The following RTTN variants were observed in gnomAD, a reference collection of about 807,000 sequenced individuals.
RTTN encodes the protein rotatin.
A neutral mutation model predicts 269.2 loss-of-function variants in RTTN; 182 were observed. The ratio of observed to expected loss-of-function variants is 0.68; its 90% CI spans 0.60 to 0.76. The LOEUF (loss-of-function observed/expected upper bound fraction) is 0.76, where lower values mean the gene tolerates loss of function less well. Ranked by LOEUF, RTTN falls within the 30% of genes least tolerant of loss-of-function variation. RTTN has a pLI of 0.00. For synonymous variants in RTTN, 1,006 were observed against 963.5 expected (o/e 1.04, Z -0.82); for missense variants, 2,545 against 2,608.6 (o/e 0.98, Z 0.53).
At chr18:70,065,753 T>C in intron 35 of RTTN, 76 bp downstream of exon 35, 2 of 946,266 alleles carry the variant, frequency 2.1e-6, no homozygotes, top group Non-Finnish European at 1.6e-6. Context: ...CTTTAGACAT[T>C]TACTTTCAAA....
chr18:70,056,744 C>T (rs2057827683), intron 37 of RTTN, among the ~76,000 whole-genome samples: 1 of 152,198 alleles, frequency 6.6e-6, no homozygotes. Context: ...ACTTTGGGTC[C>T]CACGACACTG....
At chr18:70,122,097 A>G (rs886825473) in intron 25 of RTTN, among the ~76,000 whole-genome samples, 1 of 152,094 alleles carries the variant, frequency 6.6e-6, no homozygotes, top group African/African-American at 2.4e-5. Flanking sequence ...ATTCTGACCA[A>G]CTCGAAAAAA....
chr18:70,042,330 G>T (rs1263876988), intron 40 of RTTN, among the ~76,000 whole-genome samples: 1 of 144,506 alleles, frequency 6.9e-6, no homozygotes, highest in Non-Finnish European at 1.5e-5. Flanking sequence ...CTTCCAGGAA[G>T]AGAAAAACCA....
intron 24 of RTTN, 187 bp from the exon 25 acceptor site, chr18:70,127,928 A>C: frequency 1.7e-6 from 1 of 586,006 alleles, no homozygotes; most frequent in Non-Finnish European, 3.0e-6. Context: ...TTGGCATCCC[A>C]AATGTTTATA....
In RTTN at chr18:70,004,291, ACT is replaced by A. The variant is rs1435867700; in HGVS notation, c.6596-57_6596-56del. 3.3e-6 allele frequency: 4 copies of A among 1,219,188 alleles called. No individual in the cohort carries two copies. The African/African-American group carries it at 4.5e-5, about 14-fold the overall frequency. 75.5% of individuals were successfully genotyped at this position (1,219,188 alleles called of 1,614,324 possible). On this transcript the variant is annotated intron_variant, in intron 48 of 48. Transcript: ENST00000640769. ...ACTAGTTTATGAAACTTGGTACTAT[ACT>A]TAGGAGGCACACACATAAACAAATA...
intron 32 of RTTN, among the ~76,000 whole-genome samples, chr18:70,085,596 A>G (rs1479708875): frequency 6.6e-6 from 1 of 152,208 alleles, no homozygotes. Context: ...ATATATGGAT[A>G]GGTAAAAGGA....
At chr18:70,054,060 T>C (rs534711102) in intron 38 of RTTN, 71 bp downstream of exon 38, 689 of 1,288,038 alleles carry the variant, frequency 5.3e-4, no homozygotes, top group Middle Eastern at 1.2e-3. Flanking sequence ...CAAGTGAATA[T>C]CTGAAACAGA....
chr18:70,140,712 GCTT>G (rs968677027), intron 19 of RTTN, among the ~76,000 whole-genome samples: 8 of 152,122 alleles, frequency 5.3e-5, no homozygotes, highest in Admixed American at 3.9e-4. Context: ...GAGAACTTGA[GCTT>G]CTTTTTAATA....
intron 14 of RTTN, among the ~76,000 whole-genome samples, chr18:70,157,392 C>T (rs1274870868): frequency 6.6e-6 from 1 of 152,176 alleles, no homozygotes; most frequent in East Asian, 1.9e-4. Context: ...GAAACCAAGC[C>T]AATTGACTAA....
intron 11 of RTTN, among the ~76,000 whole-genome samples, chr18:70,171,440 T>C (rs2061140405): frequency 1.3e-5 from 2 of 152,230 alleles, no homozygotes; most frequent in Non-Finnish European, 2.9e-5. Context: ...AAATATTAAT[T>C]TCCTTTTCTC....
chr18:70,200,814 C>T (rs2061926319), intron 4 of RTTN, among the ~76,000 whole-genome samples: 1 of 152,206 alleles, frequency 6.6e-6, no homozygotes, highest in Admixed American at 6.5e-5. Context: ...CCTTTCTAAT[C>T]TCAGTGTCTT....
intron 14 of RTTN, among the ~76,000 whole-genome samples, chr18:70,151,033 T>G (rs1406996758): frequency 2.6e-5 from 4 of 151,438 alleles, no homozygotes; most frequent in African/African-American, 9.7e-5. Flanking sequence ...ATAAACACAG[T>G]AAGAAACTTA....
intron 1 of RTTN, 143 bp from the exon 2 acceptor site, chr18:70,205,458 G>A (rs2062053777): frequency 7.3e-7 from 1 of 1,361,276 alleles, no homozygotes; most frequent in Non-Finnish European, 1.0e-6. Context: ...GACGCGAACC[G>A]CGAAGTTTAC....
rs1759288712 is a variant in RTTN, at chr18:70,169,078, TA to T, written c.1477-12del. The T allele has an allele frequency of 2.6e-6, 4 of 1,556,552 alleles. No homozygotes were observed. Among genetic ancestry groups the T allele is most frequent in the South Asian group, 1.2e-5 (1 of 81,254 alleles). On this transcript the variant is annotated splice_polypyrimidine_tract_variant and intron_variant, in intron 11 of 48. Transcript: ENST00000640769. Reference sequence around the variant, plus strand: ...TAAAAACTCGCTTGCCTTGGTGAATTAAAAAAACAAAAAAATTAAAACTTTG... The same window carrying T: ...TAAAAACTCGCTTGCCTTGGTGAATTAAAAAACAAAAAAATTAAAACTTTG...
chr18:70,072,981 C>T (rs1052607540), intron 34 of RTTN, among the ~76,000 whole-genome samples: 3 of 152,010 alleles, frequency 2.0e-5, no homozygotes, highest in African/African-American at 7.2e-5. Flanking sequence ...GAAAAAAAGA[C>T]TTAAAACTGT....
intron 19 of RTTN, among the ~76,000 whole-genome samples, chr18:70,141,929 C>A (rs2060268065): frequency 6.6e-6 from 1 of 152,084 alleles, no homozygotes; most frequent in South Asian, 2.1e-4. Context: ...AAGGAACATG[C>A]ACTTCACTAT....
At chr18:70,027,526 TTCA>T (rs529293095) in intron 43 of RTTN, among the ~76,000 whole-genome samples, 43 of 152,196 alleles carry the variant, frequency 2.8e-4, no homozygotes, top group Non-Finnish European at 5.1e-4. Context: ...AGGTTAGCAC[TTCA>T]TAAATCTTTA....
In RTTN at chr18:70,204,216, G is replaced by A; in HGVS notation, c.267C>T (p.Phe89=). Residue 89 remains phenylalanine, a synonymous_variant, in exon 3 of 49, where the codon TTC becomes TTT. Coordinates refer to ENST00000640769, the MANE Select transcript of RTTN (RefSeq NM_173630.4). ...QHLVDVGAVE[F]LSKLRSNVEP... Reference sequence around the variant, plus strand: ...CCACATTAGACCGAAGCTTAGATAAGAACTCTACTGCACCAACGTCAACCA... The same window carrying A: ...CCACATTAGACCGAAGCTTAGATAAAAACTCTACTGCACCAACGTCAACCA... 6.2e-7 allele frequency: 1 copy of A among 1,614,098 alleles called. No homozygotes were observed.
At chr18:70,150,847 CT>C (rs1409970542) in intron 14 of RTTN, 114 bp from the exon 15 acceptor site, 4 of 731,646 alleles carry the variant, frequency 5.5e-6, no homozygotes, top group South Asian at 2.2e-5. Context: ...TTCATTGAAA[CT>C]TTTTTTAACA....
Sources: allele counts gnomAD v4.1 joint callset (sites outside exome capture counted in the v4.1 genomes callset), GRCh38; gene constraint gnomAD v4.1.1; transcripts MANE v1.5; gene names NCBI Gene and HGNC (gene_info 2026-07-23, HGNC 2026-07-21).